CILK1: variants seen among roughly 807,000 people sequenced by gnomAD.
The protein encoded by CILK1 is serine/threonine-protein kinase ICK.
A neutral mutation model predicts 79.2 loss-of-function variants in CILK1; 47 were observed. The observed-to-expected ratio is 0.59, with a 90% CI of 0.47 to 0.76. The LOEUF (loss-of-function observed/expected upper bound fraction) is 0.76. CILK1 is among the 30% of genes least tolerant of loss of function. The pLI is 0.00. For synonymous variants in CILK1, 266 were observed against 275.9 expected, an observed-to-expected ratio of 0.96 and a Z score of 0.36; for missense variants, 660 against 769.5, an observed-to-expected ratio of 0.86 and a Z score of 1.68.
At chr6:53,027,290 C>T (rs774715581) in intron 5 of CILK1, among the ~76,000 whole-genome samples, 9 of 152,138 alleles carry the variant, frequency 5.9e-5, no homozygotes, top group East Asian at 1.9e-4. Context: ...ATTTCTGGCA[C>T]GGATAAGTGT....
intron 11 of CILK1, among the ~76,000 whole-genome samples, chr6:53,010,532 G>A (rs961081114): frequency 6.6e-6 from 1 of 152,102 alleles, no homozygotes; most frequent in Non-Finnish European, 1.5e-5. Flanking sequence ...TTTCTTACAA[G>A]GCCCCAAAAA....
chr6:53,059,135 T>C (rs1283548881), intron 1 of CILK1, among the ~76,000 whole-genome samples: 3 of 152,186 alleles, frequency 2.0e-5, no homozygotes, highest in Non-Finnish European at 4.4e-5. Flanking sequence ...GTTAAGTTAC[T>C]GTCAAGGGAT....
intron 1 of CILK1, among the ~76,000 whole-genome samples, chr6:53,046,010 C>T (rs1280530046): frequency 6.6e-6 from 1 of 152,194 alleles, no homozygotes; most frequent in Non-Finnish European, 1.5e-5. Flanking sequence ...CCAAAACTTG[C>T]ATATTCTAAC....
chr6:53,017,994 T>C (rs1764991662), intron 7 of CILK1, among the ~76,000 whole-genome samples: 1 of 151,992 alleles, frequency 6.6e-6, no homozygotes, highest in Non-Finnish European at 1.5e-5. Flanking sequence ...GTGAGTGTAG[T>C]AATAATGGAG....
chr6:53,032,413 A>G, intron 4 of CILK1, 120 bp downstream of exon 4: 2 of 389,100 alleles, frequency 5.1e-6, no homozygotes, highest in Non-Finnish European at 7.9e-6. Flanking sequence ...AATAAAATAA[A>G]ATAAAAAATA....
In CILK1 at chr6:53,041,292, A is replaced by C; in HGVS notation, c.-56T>G. The C allele has an allele frequency of 8.3e-7, 1 of 1,199,946 alleles. No homozygotes were observed. The highest frequency in any genetic ancestry group is 1.2e-6 in the Non-Finnish European group (1 of 809,074). The allele number at this position is 1,199,946 out of a possible 1,614,324, so 74.3% of individuals were successfully genotyped here. On this transcript the variant is annotated 5_prime_UTR_variant, in exon 2 of 14. Transcript: ENST00000676107. ...CACGGCCGAAGTGGTTCAGTTCTGCAGTGGTAGCAGTCCTCCCCAGAGTGT... is the reference window on the plus strand; with the variant it reads ...CACGGCCGAAGTGGTTCAGTTCTGCCGTGGTAGCAGTCCTCCCCAGAGTGT...
At position 53,001,690 on chromosome 6, in the gene CILK1, TAACAG is replaced by T. The variant is rs1015682779; in HGVS notation, c.*3454_*3458del. ...GAGAAGGTCCTCACAATAAATTATA[TAACAG>T]TACAGTACATTTGTTTGGAAATCGT... On this transcript the variant is annotated 3_prime_UTR_variant, in exon 14 of 14. Coordinates refer to ENST00000676107, the MANE Select transcript of CILK1 (RefSeq NM_014920.5). The T allele has an allele frequency of 1.8e-4, 27 of 152,682 alleles. No individual in the cohort carries two copies. Among genetic ancestry groups the T allele is most frequent in the African/African-American group, 6.3e-4 (26 of 41,472 alleles). The allele number at this position is 152,682 out of a possible 1,614,324, so 9.5% of individuals were successfully genotyped here. A position where few individuals can be genotyped will look rare whatever the true frequency, so the allele number is the denominator to read the frequency against.
intron 5 of CILK1, among the ~76,000 whole-genome samples, chr6:53,028,610 A>G (rs1765730836): frequency 6.6e-6 from 1 of 152,254 alleles, no homozygotes. Flanking sequence ...CTGGGCACTT[A>G]ATTGCTGAGG....
chr6:53,009,682 A>G lies in CILK1; in HGVS notation c.1493-115T>C, dbSNP rs555831723. 3.4e-6 allele frequency: 3 copies of G among 888,092 alleles called. No homozygotes were observed. In the East Asian group the frequency reaches 7.7e-5, roughly 23 times the overall value. 55.0% of individuals were successfully genotyped at this position (888,092 alleles called of 1,614,324 possible). A position where few individuals can be genotyped will look rare whatever the true frequency, so the allele number is the denominator to read the frequency against. ...GTCAAAAACTCTCTATGATACAATA[A>G]TCAAAGCAAAAACTGACTGTGATGA... On this transcript the variant is annotated intron_variant, in intron 11 of 13. Coordinates refer to ENST00000676107, the MANE Select transcript of CILK1 (RefSeq NM_014920.5).
intron 7 of CILK1, 27 bp downstream of exon 7, chr6:53,018,303 C>T (rs374027274): frequency 9.3e-6 from 15 of 1,611,748 alleles, no homozygotes; most frequent in South Asian, 7.7e-5. Context: ...TGGCTTTGGC[C>T]CACTGGCCTT....
chr6:53,016,387 C>A, intron 7 of CILK1, 137 bp from the exon 8 acceptor site: 1 of 762,014 alleles, frequency 1.3e-6, no homozygotes, highest in South Asian at 1.4e-5. Context: ...ACATTCACTA[C>A]TGTGGCACTG....
intron 1 of CILK1, among the ~76,000 whole-genome samples, chr6:53,056,596 C>A (rs765639588): frequency 6.6e-6 from 1 of 152,210 alleles, no homozygotes; most frequent in African/African-American, 2.4e-5. Context: ...CCCTCACTTA[C>A]CCCTAGGTTA....
chr6:53,031,756 C>T (rs1469160200), intron 4 of CILK1, among the ~76,000 whole-genome samples: 1 of 152,208 alleles, frequency 6.6e-6, no homozygotes, highest in East Asian at 1.9e-4. Flanking sequence ...CCCTTGACTT[C>T]TAGTTGCTCT....
intron 5 of CILK1, 92 bp from the exon 6 acceptor site, chr6:53,019,451 T>A (rs1455800568): frequency 7.0e-7 from 1 of 1,426,910 alleles, no homozygotes; most frequent in Non-Finnish European, 9.7e-7. Context: ...ATAGTTATAA[T>A]TTAAAAAGTA....
chr6:53,056,502 T>C (rs1581778747), intron 1 of CILK1, among the ~76,000 whole-genome samples: 1 of 152,178 alleles, frequency 6.6e-6, no homozygotes, highest in Admixed American at 6.5e-5. Flanking sequence ...CAGGAAGGAC[T>C]GGCACACAAG....
rs1259508709 is a variant in CILK1 at position 53,041,364 on chromosome 6, C to A, written c.-128G>T. ...CACCAGCACAAGGTATTCAATAGGA[C>A]GTGACTGTCTCCCAAATACATATTT... On this transcript the variant is annotated 5_prime_UTR_variant, in exon 2 of 14. Transcript: ENST00000676107. 8 of 711,530 alleles carry A rather than the reference C, an allele frequency of 1.1e-5. No individual in the cohort carries two copies. The highest frequency in any genetic ancestry group is 2.1e-5 in the Non-Finnish European group (8 of 387,902). 44.1% of individuals were successfully genotyped at this position (711,530 alleles called of 1,614,324 possible). A position where few individuals can be genotyped will look rare whatever the true frequency, so the allele number is the denominator to read the frequency against.
intron 11 of CILK1, 112 bp downstream of exon 11, chr6:53,011,657 G>T: frequency 9.5e-7 from 1 of 1,054,964 alleles, no homozygotes; most frequent in Non-Finnish European, 1.5e-6. Flanking sequence ...CCTCAGTTCT[G>T]AAGGGAAGCC....
chr6:53,052,628 G>A (rs1329420253), intron 1 of CILK1, among the ~76,000 whole-genome samples: 1 of 152,038 alleles, frequency 6.6e-6, no homozygotes, highest in Non-Finnish European at 1.5e-5. Flanking sequence ...TTACTCAGAA[G>A]GCTGAGGCAG....
intron 1 of CILK1, among the ~76,000 whole-genome samples, chr6:53,049,812 A>C (rs1767350456): frequency 6.6e-6 from 1 of 152,060 alleles, no homozygotes; most frequent in South Asian, 2.1e-4. Context: ...CTGCAGCCTC[A>C]TGGGCTCAGA....
Sources: gnomAD v4.1 joint callset for allele counts (sites outside exome capture counted in the v4.1 genomes callset) on GRCh38, gnomAD v4.1.1 for gene constraint, MANE v1.5 for transcripts, NCBI Gene and HGNC (gene_info 2026-07-23, HGNC 2026-07-21) for gene names.